The following APOBEC3B variants were observed in gnomAD, a reference collection of about 807,000 sequenced individuals.
APOBEC3B encodes the protein DNA dC->dU-editing enzyme APOBEC-3B.
Under a neutral mutation model 53.4 loss-of-function variants are expected in APOBEC3B, and 29 were observed. The observed-to-expected ratio is 0.54, with a 90% CI of 0.40 to 0.74. The LOEUF (loss-of-function observed/expected upper bound fraction) is 0.74. Ranked by LOEUF, APOBEC3B falls within the 30% of genes least tolerant of loss-of-function variation. The pLI, the probability that APOBEC3B is intolerant of heterozygous loss-of-function variation, is 0.00. For synonymous variants in APOBEC3B, 132 were observed against 184.8 expected, an observed-to-expected ratio of 0.71 and a Z score of 2.32; for missense variants, 347 against 496.2, an observed-to-expected ratio of 0.70 and a Z score of 2.86.
chr22:38,989,654 C>A (rs763367999), intron 5 of APOBEC3B, 44 bp downstream of exon 5: 2 of 1,515,668 alleles, frequency 1.3e-6, no homozygotes, highest in Non-Finnish European at 1.8e-6. Context: ...CCCTCCCAAT[C>A]CAGGGACACT....
chr22:38,992,041 G>A lies in APOBEC3B; in HGVS notation c.1026G>A (p.Glu342=), dbSNP rs6001357. Reference sequence around the variant, plus strand: ...TCCCCTGTCCCTTTTCAGAGTTTGAGTACTGCTGGGACACCTTTGTGTACC... The same window carrying A: ...TCCCCTGTCCCTTTTCAGAGTTTGAATACTGCTGGGACACCTTTGTGTACC... The part of the protein sequence containing the change: ...QVSIMTYDEF[E]YCWDTFVYRQ... The change falls in exon 7 of 8, where the codon GAG becomes GAA. Residue 342 remains glutamate (E), a synonymous_variant. Transcript: ENST00000333467. 8 of 1,583,332 alleles carry A rather than the reference G, an allele frequency of 5.1e-6. No homozygotes were observed. The Admixed American group carries it at 7.3e-5, about 14-fold the overall frequency.
intron 5 of APOBEC3B, 90 bp downstream of exon 5, chr22:38,989,700 C>T: frequency 7.9e-7 from 1 of 1,273,442 alleles, no homozygotes; most frequent in African/African-American, 1.5e-5. Context: ...CCTGTGGTTT[C>T]CTGCAGTGTT....
rs1293063315 is a variant in APOBEC3B, at chr22:38,988,819, C to T, written c.570-638C>T. The stretch of plus-strand genomic sequence containing the variant: ...GAGATTTTTCTAATTCTGGTTTTGT[C>T]AGGATGTCTACAGAGGGGCCGGGAG... On this transcript the variant is annotated intron_variant, in intron 4 of 7. Transcript: ENST00000333467. Among the ~76,000 whole-genome samples the T allele has an allele frequency of 1.4e-5, 2 of 144,838 alleles. 1 individual carries two copies. The highest frequency in any genetic ancestry group is 5.0e-5 in the African/African-American group (2 of 39,684).
chr22:38,992,037 T>C lies in APOBEC3B; in HGVS notation c.1022T>C (p.Phe341Ser), dbSNP rs1198164189. The change falls in exon 7 of 8, where the codon TTT becomes TCT. Residue 341 changes from phenylalanine to serine, a missense_variant. Physicochemically the swap from Phe to Ser is radical, Grantham distance 155 (BLOSUM62 -2). This residue lies in a region of APOBEC3B where 78 missense variants were observed against 103.9 expected (regional missense o/e 0.75). Transcript: ENST00000333467. ...AQVSIMTYDE[F>S]EYCWDTFVYR... ...TATCTCCCCTGTCCCTTTTCAGAGTTTGAGTACTGCTGGGACACCTTTGTG... is the reference window on the plus strand; with the variant it reads ...TATCTCCCCTGTCCCTTTTCAGAGTCTGAGTACTGCTGGGACACCTTTGTG... The C allele has an allele frequency of 3.2e-6, 5 of 1,581,396 alleles. No individual in the cohort carries two copies. In the African/African-American group the frequency reaches 4.0e-5, roughly 13 times the overall value.
intron 4 of APOBEC3B, among the ~76,000 whole-genome samples, chr22:38,988,681 T>TTCTCTCTTTCTCTCTCTCTCTC (rs58110435): frequency 3.1e-5 from 2 of 63,600 alleles, no homozygotes; most frequent in African/African-American, 6.4e-5. Context: ...CTTTCTCTCT[T>TTCTCTCTTTCTCTCTCTCTCTC]TCTCTTTCTT....
rs1256295478 is a variant in APOBEC3B at position 38,982,478 on chromosome 22, T to C, written c.17+8T>C. On this transcript the variant is annotated splice_region_variant and intron_variant, in intron 1 of 7. Coordinates refer to ENST00000333467, the MANE Select transcript of APOBEC3B (RefSeq NM_004900.5). Reference sequence around the variant, plus strand: ...CATGAATCCACAGATCAGGTACCGCTGCCCACTCTGCCTGCTGGGCCCCTC... The same window carrying C: ...CATGAATCCACAGATCAGGTACCGCCGCCCACTCTGCCTGCTGGGCCCCTC... The C allele has an allele frequency of 1.3e-6, 2 of 1,593,540 alleles. No individual in the cohort carries two copies. The highest frequency in any genetic ancestry group is 1.7e-6 in the Non-Finnish European group (2 of 1,172,564).
intron 1 of APOBEC3B, among the ~76,000 whole-genome samples, chr22:38,983,670 C>T (rs1375283317): frequency 2.0e-5 from 3 of 149,184 alleles, no homozygotes; most frequent in African/African-American, 7.3e-5. Context: ...TTCAGTTCTA[C>T]CATGATTTTA....
At chr22:38,990,992 C>A (rs1406595958) in intron 5 of APOBEC3B, among the ~76,000 whole-genome samples, 12 of 147,084 alleles carry the variant, frequency 8.2e-5, no homozygotes. Context: ...TATTTTAAAA[C>A]GCAAATTTAA....
At position 38,986,432 on chromosome 22, in the gene APOBEC3B, C is replaced by T; in HGVS notation, c.569+20C>T. On this transcript the variant is annotated intron_variant, in intron 4 of 7. Coordinates refer to ENST00000333467, the MANE Select transcript of APOBEC3B (RefSeq NM_004900.5). The stretch of plus-strand genomic sequence containing the variant: ...TCTCAGGTGAGGGTCTCCCTCTGGC[C>T]TCATCATCTCTCTCCTCTCACCTGC... The T allele has an allele frequency of 6.3e-7, 1 of 1,587,766 alleles. No homozygotes were observed. The highest frequency in any genetic ancestry group is 1.1e-5 in the South Asian group (1 of 88,042).
chr22:38,989,641 G>A, intron 5 of APOBEC3B, 31 bp downstream of exon 5: 1 of 1,540,624 alleles, frequency 6.5e-7, no homozygotes, highest in South Asian at 1.2e-5. Flanking sequence ...CATCCAGGCA[G>A]GGCCCTCCCA....
At chr22:38,982,687 C>T (rs1251621423) in intron 1 of APOBEC3B, among the ~76,000 whole-genome samples, 2 of 147,926 alleles carry the variant, frequency 1.4e-5, no homozygotes, top group African/African-American at 4.9e-5. Context: ...CCTGCACCAG[C>T]CCAGGCCCCG....
Position 38,986,532 on chromosome 22 carries a change from AC to A in APOBEC3B, c.569+122del, listed in dbSNP as rs201397393. ...ACCCACTGCCTGCCCTCATGGTCAC[AC>A]CACCTTCCCTTAACTCCTGGTGCTC... is the stretch of plus-strand genomic sequence containing the variant. On this transcript the variant is annotated intron_variant, in intron 4 of 7. Transcript: ENST00000333467. 537 of 1,176,746 alleles carry A rather than the reference AC, an allele frequency of 4.6e-4. 24 individuals carry two copies. The African/African-American group carries it at 8.1e-3, about 18-fold the overall frequency. The allele number at this position is 1,176,746 out of a possible 1,614,324, so 72.9% of individuals were successfully genotyped here.
chr22:38,984,545 TACA>T (rs1923657696), intron 2 of APOBEC3B, among the ~76,000 whole-genome samples: 1 of 148,838 alleles, frequency 6.7e-6, no homozygotes, highest in Admixed American at 6.9e-5. Flanking sequence ...ACTGGCTAAA[TACA>T]GACATTTGTA....
chr22:38,983,323 A>G (rs1440794060), intron 1 of APOBEC3B, among the ~76,000 whole-genome samples: 2 of 148,420 alleles, frequency 1.3e-5, no homozygotes, highest in Admixed American at 6.9e-5. Flanking sequence ...ATCAAAAAAA[A>G]AAAGAAAGAA....
chr22:38,988,703 T>TTCTCTCTTTTTC (rs1569039051), intron 4 of APOBEC3B, among the ~76,000 whole-genome samples: 1 of 102,198 alleles, frequency 9.8e-6, no homozygotes, highest in Non-Finnish European at 2.0e-5. Context: ...CTTTCTTTCT[T>TTCTCTCTTTTTC]TCTTTCTTTC....
Position 38,992,101 on chromosome 22 carries a change from A to G in APOBEC3B, c.1086A>G (p.Leu362=). ...GTCCCTTCCAGCCCTGGGATGGACTAGAGGAGCACAGCCAAGCCCTGAGTG... is the reference window on the plus strand; with the variant it reads ...GTCCCTTCCAGCCCTGGGATGGACTGGAGGAGCACAGCCAAGCCCTGAGTG... ...QGCPFQPWDG[L]EEHSQALSGR... Residue 362 remains leucine, a synonymous_variant, in exon 7 of 8, where the codon CTA becomes CTG. Transcript: ENST00000333467. The G allele has an allele frequency of 6.3e-7, 1 of 1,592,824 alleles. No homozygotes were observed. Among genetic ancestry groups the G allele is most frequent in the Middle Eastern group, 1.7e-4 (1 of 5,748 alleles).
chr22:38,989,755 T>C, intron 5 of APOBEC3B, 145 bp downstream of exon 5: 1 of 909,902 alleles, frequency 1.1e-6, no homozygotes, highest in Middle Eastern at 3.9e-4. Flanking sequence ...GCCCTGGAGT[T>C]GGGGGGAGAC....
At position 38,992,006 on chromosome 22, in the gene APOBEC3B, G is replaced by A. The variant is rs377095145; in HGVS notation, c.1019-28G>A. On this transcript the variant is annotated intron_variant, in intron 6 of 7. Transcript: ENST00000333467. ...GCTGCCCCCTCCCCACAACAGGAGC[G>A]TGACTTATCTCCCCTGTCCCTTTTC... The A allele has an allele frequency of 6.9e-5, 107 of 1,548,648 alleles. 9 individuals carry two copies. The highest frequency in any genetic ancestry group is 1.8e-4 in the Middle Eastern group (1 of 5,502).
At chr22:38,983,559 G>T (rs187359014) in intron 1 of APOBEC3B, among the ~76,000 whole-genome samples, 7 of 148,622 alleles carry the variant, frequency 4.7e-5, no homozygotes, top group Non-Finnish European at 1.0e-4. Context: ...TGTGCCTCTG[G>T]CATCTCCTCT....
Sources: gnomAD v4.1 joint callset for allele counts (sites outside exome capture counted in the v4.1 genomes callset) on GRCh38, gnomAD v4.1.1 for gene constraint, gnomAD v4.1.1 regional missense constraint, MANE v1.5 for transcripts, NCBI Gene and HGNC (gene_info 2026-07-23, HGNC 2026-07-21) for gene names.